VOPP1: variants seen among roughly 807,000 people sequenced by gnomAD.
VOPP1 encodes WW domain binding protein VOPP1.
VOPP1 carries 8 observed loss-of-function variants against 23.5 expected under a neutral mutation model. That is an observed-to-expected ratio of 0.34 (90% CI 0.20 to 0.61). The LOEUF is 0.61. VOPP1 is among the 20% of genes least tolerant of loss of function. VOPP1 has a pLI of 0.78. For missense variants in VOPP1, 174 were observed against 238.1 expected, an observed-to-expected ratio of 0.73 and a Z score of 1.77; for synonymous variants, 83 against 97.3, an observed-to-expected ratio of 0.85 and a Z score of 0.86.
At chr7:55,546,763 C>T (rs1485124711) in intron 1 of VOPP1, among the ~76,000 whole-genome samples, 1 of 152,216 alleles carries the variant, frequency 6.6e-6, no homozygotes, top group Admixed American at 6.5e-5. Context: ...AATTAAGGCT[C>T]CAGCTTTGAA....
At chr7:55,501,476 G>A (rs1450560779) in intron 2 of VOPP1, among the ~76,000 whole-genome samples, 1 of 152,210 alleles carries the variant, frequency 6.6e-6, no homozygotes, top group African/African-American at 2.4e-5. Context: ...AAGATTCTGG[G>A]TGGCCCTCAG....
chr7:55,474,575 G>T (rs1026857608), intron 4 of VOPP1, among the ~76,000 whole-genome samples: 1 of 152,204 alleles, frequency 6.6e-6, no homozygotes, highest in Non-Finnish European at 1.5e-5. Context: ...TCACAATAAG[G>T]GCCCCCCAAC....
intron 4 of VOPP1, among the ~76,000 whole-genome samples, chr7:55,457,035 C>T (rs749057982): frequency 3.9e-5 from 6 of 152,260 alleles, no homozygotes; most frequent in South Asian, 4.1e-4. Context: ...TTCCTTCTTT[C>T]GAGCTGTAAC....
chr7:55,564,247 C>CTG lies in VOPP1; in HGVS notation c.54+8023_54+8024insCA, dbSNP rs368273804. Among the ~76,000 whole-genome samples the CTG allele has an allele frequency of 1.2e-3, 183 of 148,370 alleles. 5 individuals are homozygous for CTG. In the South Asian group the frequency reaches 0.031, roughly 25 times the overall value. On this transcript the variant is annotated intron_variant, in intron 1 of 4. Transcript: ENST00000285279. The stretch of plus-strand genomic sequence containing the variant: ...ACACTCTTTCTCTCTGTCTCTGTCT[C>CTG]TCTCTCTCTCTCTCTCTCTCGCTCG...
rs545378904 is a variant in VOPP1 at position 55,572,034 on chromosome 7, G to T, written c.54+237C>A. ...CGGGAAACGCGCTCACCCGCAGGGT[G>T]GGGGCGGGGTGCGAAAACCGAAGGA... is the stretch of plus-strand genomic sequence containing the variant. On this transcript the variant is annotated intron_variant, in intron 1 of 4. Transcript: ENST00000285279. Among the ~76,000 whole-genome samples, 59 of 152,246 alleles carry T rather than the reference G, an allele frequency of 3.9e-4. No homozygotes were observed. In the South Asian group the frequency reaches 0.012, roughly 30 times the overall value.
At chr7:55,538,882 C>T (rs949501570) in intron 1 of VOPP1, among the ~76,000 whole-genome samples, 1 of 150,270 alleles carries the variant, frequency 6.7e-6, no homozygotes, top group Non-Finnish European at 1.5e-5. Flanking sequence ...CATCTGTGTA[C>T]TTTTAACCAA....
intron 1 of VOPP1, among the ~76,000 whole-genome samples, chr7:55,536,776 T>C (rs1332892576): frequency 6.6e-6 from 1 of 152,112 alleles, no homozygotes; most frequent in Non-Finnish European, 1.5e-5. Flanking sequence ...AGGGGCGGCG[T>C]GCTGATCCTG....
At chr7:55,501,791 C>T (rs2129028446) in intron 2 of VOPP1, among the ~76,000 whole-genome samples, 1 of 152,220 alleles carries the variant, frequency 6.6e-6, no homozygotes, top group Admixed American at 6.5e-5. Flanking sequence ...ACACCTGCAG[C>T]TTAGGGGGAA....
intron 4 of VOPP1, among the ~76,000 whole-genome samples, chr7:55,460,661 A>G (rs1791476863): frequency 6.6e-6 from 1 of 152,234 alleles, no homozygotes; most frequent in South Asian, 2.1e-4. Context: ...GTCAAAAACT[A>G]CAATTACTTT....
chr7:55,519,734 T>C (rs117711311), intron 2 of VOPP1, among the ~76,000 whole-genome samples: 1,672 of 152,282 alleles, frequency 0.011, 11 homozygotes, highest in Middle Eastern at 0.02. Flanking sequence ...CTCCTGCTTG[T>C]CAGTATGAAA....
chr7:55,558,265 T>C (rs1797875210), intron 1 of VOPP1, among the ~76,000 whole-genome samples: 1 of 152,114 alleles, frequency 6.6e-6, no homozygotes, highest in African/African-American at 2.4e-5. Context: ...TAGAGGCTTA[T>C]GGCATAAATT....
Position 55,521,067 on chromosome 7 carries a change from C to A in VOPP1, c.113+5G>T. On this transcript the variant is annotated splice_donor_5th_base_variant and intron_variant, in intron 2 of 4. Coordinates refer to ENST00000285279, the MANE Select transcript of VOPP1 (RefSeq NM_030796.5). Reference sequence around the variant, plus strand: ...ATGAAACCACAGAAAGGTGCAAATACTTACATATAATAGGTTGGATAGAGT... The same window carrying A: ...ATGAAACCACAGAAAGGTGCAAATAATTACATATAATAGGTTGGATAGAGT... The A allele has an allele frequency of 6.4e-7, 1 of 1,572,864 alleles. No individual in the cohort carries two copies. Among genetic ancestry groups the A allele is most frequent in the African/African-American group, 1.3e-5 (1 of 74,246 alleles).
intron 1 of VOPP1, chr7:55,552,610 C>A: frequency 5.2e-6 from 8 of 1,535,822 alleles, no homozygotes; most frequent in Non-Finnish European, 6.1e-6. Flanking sequence ...AAAGAAAGTG[C>A]TGGAACCAGG....
intron 1 of VOPP1, among the ~76,000 whole-genome samples, chr7:55,566,883 C>A (rs1383305603): frequency 6.6e-6 from 1 of 152,186 alleles, no homozygotes; most frequent in Non-Finnish European, 1.5e-5. Flanking sequence ...AGAACACACA[C>A]ACAAAATGGG....
chr7:55,449,497 G>A (rs374578373), intron 4 of VOPP1, among the ~76,000 whole-genome samples: 2 of 152,202 alleles, frequency 1.3e-5, no homozygotes, highest in Non-Finnish European at 2.9e-5. Context: ...ACGCCGGGGT[G>A]GGGGGCCGGT....
chr7:55,569,983 C>A (rs1478707100), intron 1 of VOPP1, among the ~76,000 whole-genome samples: 1 of 152,154 alleles, frequency 6.6e-6, no homozygotes, highest in Non-Finnish European at 1.5e-5. Context: ...GAAACCAGCT[C>A]AGGCAGAACA....
chr7:55,497,996 T>A (rs554900111), intron 2 of VOPP1, among the ~76,000 whole-genome samples: 1 of 152,276 alleles, frequency 6.6e-6, no homozygotes, highest in African/African-American at 2.4e-5. Context: ...AGACAGACAT[T>A]AAGCCTACCA....
At chr7:55,566,101 G>C (rs1798155308) in intron 1 of VOPP1, among the ~76,000 whole-genome samples, 1 of 152,188 alleles carries the variant, frequency 6.6e-6, no homozygotes, top group Admixed American at 6.5e-5. Flanking sequence ...AGATCTAGCA[G>C]TCAAGCCATT....
intron 3 of VOPP1, among the ~76,000 whole-genome samples, chr7:55,493,805 A>T (rs1355650584): frequency 6.6e-6 from 1 of 151,192 alleles, no homozygotes; most frequent in Non-Finnish European, 1.5e-5. Context: ...TGAGCGATGC[A>T]AGAAGAATAC....
Sources: allele counts gnomAD v4.1 joint callset (sites outside exome capture counted in the v4.1 genomes callset), GRCh38; gene constraint gnomAD v4.1.1; transcripts MANE v1.5; gene names NCBI Gene and HGNC (gene_info 2026-07-23, HGNC 2026-07-21).